The following DOHH variants were observed in gnomAD, a reference collection of about 807,000 sequenced individuals.
DOHH encodes HEAT-like (PBS lyase) repeat containing 1.
In DOHH, 16 loss-of-function variants were observed where a neutral mutation model predicts 19.9. The ratio of observed to expected loss-of-function variants is 0.80; its 90% CI spans 0.54 to 1.22. The LOEUF (loss-of-function observed/expected upper bound fraction) is 1.22. DOHH is among the 50% of genes most tolerant of loss of function. The probability of loss-of-function intolerance (pLI) is 0.00; values close to 1 mark genes in which losing one functional copy is unlikely to be tolerated. For synonymous variants in DOHH, 233 were observed against 217.0 expected, an observed-to-expected ratio of 1.07 and a Z score of -0.65; for missense variants, 460 against 460.6, an observed-to-expected ratio of 1.00 and a Z score of 0.01.
At position 3,491,256 on chromosome 19, in the gene DOHH, G is replaced by C. The variant is rs1333841028; in HGVS notation, c.*236C>G. On this transcript the variant is annotated 3_prime_UTR_variant, in exon 5 of 5. Transcript: ENST00000427575. This position sits in a 1 kb window ranked among gnomAD's most constrained non-coding sequence, Gnocchi z 5.6. ...TCCCGCAGAGTCCCACCCCAAGCCT[G>C]GAAACTTCCACGCTACAGCCCTGCG... 3.5e-6 allele frequency: 2 copies of C among 570,172 alleles called. No individual in the cohort carries two copies. Among genetic ancestry groups the C allele is most frequent in the African/African-American group, 3.9e-5 (2 of 50,894 alleles). 35.3% of individuals were successfully genotyped at this position (570,172 alleles called of 1,614,324 possible).
chr19:3,499,461 C>A (rs1008956744), intron 1 of DOHH, among the ~76,000 whole-genome samples: 6 of 152,120 alleles, frequency 3.9e-5, no homozygotes, highest in Non-Finnish European at 7.4e-5. Flanking sequence ...ATGACCTGCA[C>A]GCAGTAGGGC....
chr19:3,493,945 C>T, intron 3 of DOHH, 83 bp downstream of exon 3: 2 of 1,368,496 alleles, frequency 1.5e-6, no homozygotes, highest in Non-Finnish European at 1.0e-6. Flanking sequence ...TCTGAGGCTG[C>T]TCCAGGTCAG....
rs1249057115 is a variant in DOHH, at chr19:3,491,216, G to A, written c.*276C>T. On this transcript the variant is annotated 3_prime_UTR_variant, in exon 5 of 5. Transcript: ENST00000427575. The surrounding 1 kb of genome is among the most constrained non-coding windows in gnomAD (Gnocchi z 5.6). Reference sequence around the variant, plus strand: ...TCGCAATCCTCCCCTGTCCTGAGCCGGGCATCCCAGAGCCTCCCGCAGAGT... The same window carrying A: ...TCGCAATCCTCCCCTGTCCTGAGCCAGGCATCCCAGAGCCTCCCGCAGAGT... 1.9e-6 allele frequency: 1 copy of A among 526,504 alleles called. No homozygotes were observed. Among genetic ancestry groups the A allele is most frequent in the Non-Finnish European group, 3.3e-6 (1 of 302,180 alleles). The allele number at this position is 526,504 out of a possible 1,614,324, so 32.6% of individuals were successfully genotyped here. A position where few individuals can be genotyped will look rare whatever the true frequency, so the allele number is the denominator to read the frequency against.
chr19:3,496,634 A>G lies in DOHH; in HGVS notation c.181T>C (p.Cys61Arg). 1 of 1,614,060 alleles carries G rather than the reference A, an allele frequency of 6.2e-7. No individual in the cohort carries two copies. The highest frequency in any genetic ancestry group is 8.5e-7 in the Non-Finnish European group (1 of 1,180,028). ...SALLKHELAY[C>R]LGQMQDARAI... ...CGGGCATCCTGCATCTGGCCCAGGC[A>G]GTAGGCCAGCTCGTGCTTGAGCAGG... is the stretch of plus-strand genomic sequence containing the variant. Residue 61 changes from cysteine to arginine, a missense_variant, in exon 2 of 5, where the codon TGC (cysteine) becomes CGC (arginine). Transcript: ENST00000427575. The surrounding 1 kb of genome is among the most constrained non-coding windows in gnomAD (Gnocchi z 4.8).
rs1286959760 is a variant in DOHH at position 3,500,615 on chromosome 19, G to C, written c.-127C>G. On this transcript the variant is annotated 5_prime_UTR_variant, in exon 1 of 5. Coordinates refer to ENST00000427575, the MANE Select transcript of DOHH (RefSeq NM_001145165.2). ...CCGGCCAGTAACCGCAGGCGCCTCT[G>C]CCACCACCGCTTCACCTGCCGCGAC... is the stretch of plus-strand genomic sequence containing the variant. 6.6e-6 allele frequency: 1 copy of C among 152,286 alleles called. No homozygotes were observed. The highest frequency in any genetic ancestry group is 1.5e-5 in the Non-Finnish European group (1 of 68,086). The allele number at this position is 152,286 out of a possible 1,614,324, so 9.4% of individuals were successfully genotyped here.
In DOHH at chr19:3,496,716, C is replaced by A. The variant is rs1312587514; in HGVS notation, c.99G>T (p.Gly33=). 6.2e-7 allele frequency: 1 copy of A among 1,613,144 alleles called. No individual in the cohort carries two copies. ...ATGCAATGGCGCCTGGGCCGCCGAG[C>A]CCACGCAGCGTGAACAGCGCCCGGA... is the stretch of plus-strand genomic sequence containing the variant. ...ARFRALFTLR[G]LGGPGAIAWI... Residue 33 remains glycine (G), a synonymous_variant, in exon 2 of 5, where the codon GGG becomes GGT. Coordinates refer to ENST00000427575, the MANE Select transcript of DOHH (RefSeq NM_001145165.2). The surrounding 1 kb of genome is among the most constrained non-coding windows in gnomAD (Gnocchi z 4.8).
chr19:3,491,771 G>A lies in DOHH; in HGVS notation c.630C>T (p.Gly210=), dbSNP rs1335345640. Reference sequence around the variant, plus strand: ...CGTGCTGCAGCTGTCCCAGGACGTAGCCGACCTCGTGGCGGAAGAGGGCGC... The same window carrying A: ...CGTGCTGCAGCTGTCCCAGGACGTAACCGACCTCGTGGCGGAAGAGGGCGC... The part of the protein sequence containing the change: ...CGSALFRHEV[G]YVLGQLQHEA... Residue 210 remains glycine, a synonymous_variant, in exon 5 of 5, where the codon GGC becomes GGT. Transcript: ENST00000427575. The surrounding 1 kb of genome is among the most constrained non-coding windows in gnomAD (Gnocchi z 5.6). 5.3e-6 allele frequency: 8 copies of A among 1,510,840 alleles called. No homozygotes were observed. In the African/African-American group the frequency reaches 7.2e-5, roughly 14 times the overall value. The allele number at this position is 1,510,840 out of a possible 1,614,324, so 93.6% of individuals were successfully genotyped here.
At position 3,491,825 on chromosome 19, in the gene DOHH, G is replaced by T; in HGVS notation, c.590-14C>A. On this transcript the variant is annotated splice_polypyrimidine_tract_variant and intron_variant, in intron 4 of 4. Transcript: ENST00000427575. The surrounding 1 kb of genome is among the most constrained non-coding windows in gnomAD (Gnocchi z 5.6). ...CACAGTGCAGACCTGCAGGGGAGAG[G>T]GACACTCGCTGGGGCCAGGAGGGGT... is the stretch of plus-strand genomic sequence containing the variant. The T allele has an allele frequency of 1.4e-6, 2 of 1,446,480 alleles. No individual in the cohort carries two copies. The highest frequency in any genetic ancestry group is 1.8e-6 in the Non-Finnish European group (2 of 1,102,724). The allele number at this position is 1,446,480 out of a possible 1,614,324, so 89.6% of individuals were successfully genotyped here.
chr19:3,498,986 G>A (rs1353421867), intron 1 of DOHH, among the ~76,000 whole-genome samples: 1 of 152,028 alleles, frequency 6.6e-6, no homozygotes, highest in Non-Finnish European at 1.5e-5. Flanking sequence ...TGGATGCTCA[G>A]TTACATGTAG....
Position 3,492,507 on chromosome 19 carries a change from G to GA in DOHH, c.352-9dup. On this transcript the variant is annotated splice_polypyrimidine_tract_variant and intron_variant, in intron 3 of 4. Transcript: ENST00000427575. ...CTGGCAGGTCTCGGCCACCTGCGGGGAGGGGGTATCAGGCAGCGGGTTGGC... is the reference window on the plus strand; with the variant it reads ...CTGGCAGGTCTCGGCCACCTGCGGGGAAGGGGGTATCAGGCAGCGGGTTGGC... The GA allele has an allele frequency of 7.3e-7, 1 of 1,376,600 alleles. No homozygotes were observed. The highest frequency in any genetic ancestry group is 1.7e-5 in the South Asian group (1 of 59,752). The allele number at this position is 1,376,600 out of a possible 1,614,324, so 85.3% of individuals were successfully genotyped here.
chr19:3,496,894 A>G lies in DOHH; in HGVS notation c.-72-8T>C. On this transcript the variant is annotated splice_polypyrimidine_tract_variant and splice_region_variant and intron_variant, in intron 1 of 4. Coordinates refer to ENST00000427575, the MANE Select transcript of DOHH (RefSeq NM_001145165.2). The surrounding 1 kb of genome is among the most constrained non-coding windows in gnomAD (Gnocchi z 4.8). Reference sequence around the variant, plus strand: ...ACGCGGGGATGTAAGAACCTGTGGCAGAAAAATGAGAGCCCAGGTTAGAAG... The same window carrying G: ...ACGCGGGGATGTAAGAACCTGTGGCGGAAAAATGAGAGCCCAGGTTAGAAG... The G allele has an allele frequency of 7.2e-7, 1 of 1,387,900 alleles. No individual in the cohort carries two copies. Among genetic ancestry groups the G allele is most frequent in the Non-Finnish European group, 9.4e-7 (1 of 1,065,970 alleles). The allele number at this position is 1,387,900 out of a possible 1,614,324, so 86.0% of individuals were successfully genotyped here.
chr19:3,495,166 G>A (rs1369908652), intron 2 of DOHH, among the ~76,000 whole-genome samples: 1 of 151,568 alleles, frequency 6.6e-6, no homozygotes, highest in East Asian at 1.9e-4. Context: ...TAGTTGAGAC[G>A]GGGTTTCACC....
rs2082871106 is a variant in DOHH at position 3,491,683 on chromosome 19, G to A, written c.718C>T (p.His240Tyr). Reference protein sequence around the residue: ...ARCTENPMVRHECAEALGAIA... With the variant: ...ARCTENPMVRYECAEALGAIA... ...GCGCCCAGGGCCTCCGCGCACTCGT[G>A]CCGCACCATGGGGTTCTCGGTGCAT... The change falls in exon 5 of 5, where the codon CAC (histidine) becomes TAC (tyrosine). Residue 240 changes from histidine to tyrosine, a missense_variant. Physicochemically the swap from His to Tyr is moderately conservative, Grantham distance 83. Coordinates refer to ENST00000427575, the MANE Select transcript of DOHH (RefSeq NM_001145165.2). The surrounding 1 kb of genome is among the most constrained non-coding windows in gnomAD (Gnocchi z 5.6). 2 of 1,533,140 alleles carry A rather than the reference G, an allele frequency of 1.3e-6. No individual in the cohort carries two copies. Among genetic ancestry groups the A allele is most frequent in the Non-Finnish European group, 1.7e-6 (2 of 1,143,084 alleles). 95.0% of individuals were successfully genotyped at this position (1,533,140 alleles called of 1,614,324 possible). A position where few individuals can be genotyped will look rare whatever the true frequency, so the allele number is the denominator to read the frequency against.
Position 3,492,399 on chromosome 19 carries a change from G to A in DOHH, c.452C>T (p.Pro151Leu), listed in dbSNP as rs1460856427. ...CCCCACGTCACGCTCCTCAGCCGGC[G>A]GGGCAGGGTCCACGGAGAGGTAGGG... ...AGPYLSVDPA[P>L]PAEERDVGRL... Residue 151 changes from proline (P) to leucine (L), a missense_variant, in exon 4 of 5, where the codon CCG becomes CTG. Pro to Leu is a moderately conservative substitution (Grantham distance 98). Transcript: ENST00000427575. 7 of 1,529,158 alleles carry A rather than the reference G, an allele frequency of 4.6e-6. No homozygotes were observed. In the Admixed American group the frequency reaches 6.0e-5, roughly 13 times the overall value. The allele number at this position is 1,529,158 out of a possible 1,614,324, so 94.7% of individuals were successfully genotyped here. A position where few individuals can be genotyped will look rare whatever the true frequency, so the allele number is the denominator to read the frequency against.
chr19:3,496,405 G>T lies in DOHH; in HGVS notation c.274+136C>A. On this transcript the variant is annotated intron_variant, in intron 2 of 4. Coordinates refer to ENST00000427575, the MANE Select transcript of DOHH (RefSeq NM_001145165.2). This position sits in a 1 kb window ranked among gnomAD's most constrained non-coding sequence, Gnocchi z 4.8. ...GTCGCTGTCTGGCTGCAGAGCTGCA[G>T]GTATTTACTATCTGGTGCTCTATGG... is the stretch of plus-strand genomic sequence containing the variant. 1.5e-6 allele frequency: 2 copies of T among 1,307,578 alleles called. No homozygotes were observed. The allele number at this position is 1,307,578 out of a possible 1,614,324, so 81.0% of individuals were successfully genotyped here. A position where few individuals can be genotyped will look rare whatever the true frequency, so the allele number is the denominator to read the frequency against.
At position 3,491,276 on chromosome 19, in the gene DOHH, C is replaced by T; in HGVS notation, c.*216G>A. ...AGCCTGGAAACTTCCACGCTACAGCCCTGCGCCAGGCCCCGAGGAGCAGTC... is the reference window on the plus strand; with the variant it reads ...AGCCTGGAAACTTCCACGCTACAGCTCTGCGCCAGGCCCCGAGGAGCAGTC... On this transcript the variant is annotated 3_prime_UTR_variant, in exon 5 of 5. Transcript: ENST00000427575. This position sits in a 1 kb window ranked among gnomAD's most constrained non-coding sequence, Gnocchi z 5.6. The T allele has an allele frequency of 1.7e-6, 1 of 603,946 alleles. No individual in the cohort carries two copies. The highest frequency in any genetic ancestry group is 2.9e-5 in the East Asian group (1 of 34,676). The allele number at this position is 603,946 out of a possible 1,614,324, so 37.4% of individuals were successfully genotyped here.
chr19:3,493,178 G>A (rs1427415515), intron 3 of DOHH, among the ~76,000 whole-genome samples: 1 of 152,250 alleles, frequency 6.6e-6, no homozygotes, highest in Non-Finnish European at 1.5e-5. Context: ...CGGGCCGGCC[G>A]AAGCGGCTCA....
intron 3 of DOHH, among the ~76,000 whole-genome samples, chr19:3,493,272 C>T (rs1299530925): frequency 1.3e-5 from 2 of 152,158 alleles, no homozygotes; most frequent in East Asian, 3.8e-4. Context: ...GGCGACAGAG[C>T]GGGACTTCAT....
At chr19:3,499,495 G>A (rs2082933393) in intron 1 of DOHH, among the ~76,000 whole-genome samples, 1 of 152,182 alleles carries the variant, frequency 6.6e-6, no homozygotes, top group East Asian at 1.9e-4. Flanking sequence ...ATAACCGGCT[G>A]GGCGCGGTGG....
Sources: gnomAD v4.1 joint callset for allele counts (sites outside exome capture counted in the v4.1 genomes callset) on GRCh38, gnomAD v4.1.1 for gene constraint, Gnocchi (gnomAD v3.1) non-coding constraint, MANE v1.5 for transcripts, NCBI Gene and HGNC (gene_info 2026-07-23, HGNC 2026-07-21) for gene names.